Variants in ALK observed in about 807,000 individuals in gnomAD.
ALK encodes ALK tyrosine kinase receptor.
Under a neutral mutation model 163.1 loss-of-function variants are expected in ALK, and 74 were observed. That is an observed-to-expected ratio of 0.45 (90% CI 0.38 to 0.55). The LOEUF is 0.55. ALK is among the 20% of genes least tolerant of loss of function. The pLI is 0.00. For missense variants in ALK, 2,063 were observed against 2,105.3 expected (o/e 0.98, Z 0.39); for synonymous variants, 960 against 843.2 (o/e 1.14, Z -2.40).
At chr2:29,637,710 A>AAAAAAAAAAAAAAC (rs1676579471) in intron 3 of ALK, among the ~76,000 whole-genome samples, 1 of 15,254 alleles carries the variant, frequency 6.6e-5, no homozygotes, top group Non-Finnish European at 1.6e-4. Context: ...CTCCGTCTCC[A>AAAAAAAAAAAAAAC]AAAAAAAAAA....
chr2:29,225,336 C>A (rs2148175971), intron 19 of ALK, 125 bp downstream of exon 19: 1 of 920,142 alleles, frequency 1.1e-6, no homozygotes, highest in Non-Finnish European at 1.7e-6. Flanking sequence ...CCCTAATCAC[C>A]ACCCCACCCA....
chr2:29,415,571 C>T (rs13384425), intron 4 of ALK, among the ~76,000 whole-genome samples: 1 of 152,154 alleles, frequency 6.6e-6, no homozygotes, highest in African/African-American at 2.4e-5. Context: ...AAAACACAGG[C>T]TCCCCAATCA....
intron 3 of ALK, among the ~76,000 whole-genome samples, chr2:29,628,538 C>A (rs79657718): frequency 0.015 from 2,314 of 152,260 alleles, 18 homozygotes; most frequent in Non-Finnish European, 0.023. Context: ...TACCACTTCA[C>A]AAGTATTATA....
chr2:29,356,502 A>G (rs1373255924), intron 5 of ALK, among the ~76,000 whole-genome samples: 1 of 152,178 alleles, frequency 6.6e-6, no homozygotes, highest in African/African-American at 2.4e-5. Context: ...TTAGAAAATT[A>G]AGTAATATTC....
intron 4 of ALK, among the ~76,000 whole-genome samples, chr2:29,527,220 A>G (rs1558367926): frequency 6.6e-6 from 1 of 152,190 alleles, no homozygotes; most frequent in Non-Finnish European, 1.5e-5. Context: ...CCACAAATCA[A>G]TATCTTTTTG....
chr2:29,532,357 G>C (rs893588835), intron 3 of ALK, among the ~76,000 whole-genome samples: 1 of 152,130 alleles, frequency 6.6e-6, no homozygotes, highest in Non-Finnish European at 1.5e-5. Flanking sequence ...ACCAAGGTTC[G>C]AACCTTAGCT....
intron 3 of ALK, among the ~76,000 whole-genome samples, chr2:29,628,191 G>T (rs1252156150): frequency 2.0e-5 from 3 of 152,044 alleles, no homozygotes; most frequent in African/African-American, 7.3e-5. Flanking sequence ...TTAAAACCCT[G>T]AAATACAATA....
In ALK at chr2:29,815,711, A is replaced by G. The variant is rs147501036; in HGVS notation, c.668-98014T>C. On this transcript the variant is annotated intron_variant, in intron 1 of 28. Transcript: ENST00000389048. ...ATGAAAGATCAAGGAAACAAGGACC[A>G]GGAATGGGTTGGCCAGATGCCTCCT... 5.5e-3 allele frequency among the ~76,000 whole-genome samples: 836 copies of G among 152,332 alleles called. 15 individuals are homozygous for G. The highest frequency in any genetic ancestry group is 0.019 in the African/African-American group (793 of 41,568).
At chr2:29,671,290 C>CA (rs1677679155) in intron 3 of ALK, among the ~76,000 whole-genome samples, 1 of 151,998 alleles carries the variant, frequency 6.6e-6, no homozygotes, top group Admixed American at 6.6e-5. Flanking sequence ...AGAGATTACC[C>CA]AGTAGTGTGG....
intron 9 of ALK, among the ~76,000 whole-genome samples, chr2:29,283,122 G>C (rs538198127): frequency 2.0e-5 from 3 of 152,216 alleles, no homozygotes; most frequent in Non-Finnish European, 4.4e-5. Flanking sequence ...CCTAGGGAAG[G>C]ATTCAAGTGC....
intron 1 of ALK, among the ~76,000 whole-genome samples, chr2:29,852,590 C>T (rs944544781): frequency 6.6e-6 from 1 of 152,234 alleles, no homozygotes; most frequent in Admixed American, 6.5e-5. Flanking sequence ...TCCTCCACAC[C>T]TATTCCCCCT....
At chr2:29,791,732 A>G (rs1664195957) in intron 1 of ALK, among the ~76,000 whole-genome samples, 1 of 152,056 alleles carries the variant, frequency 6.6e-6, no homozygotes, top group Non-Finnish European at 1.5e-5. Flanking sequence ...CGCTTTTGTA[A>G]TCTCATTCAT....
intron 3 of ALK, among the ~76,000 whole-genome samples, chr2:29,671,086 T>C (rs900812265): frequency 3.3e-5 from 5 of 152,120 alleles, no homozygotes; most frequent in Admixed American, 6.6e-5. Context: ...TATCTTTGCA[T>C]TGAAAGATCA....
intron 5 of ALK, among the ~76,000 whole-genome samples, chr2:29,330,447 G>A (rs1667404805): frequency 6.6e-6 from 1 of 152,160 alleles, no homozygotes; most frequent in Non-Finnish European, 1.5e-5. Context: ...CAGAACGCTT[G>A]TGCACAATCC....
Position 29,296,722 on chromosome 2 carries a change from A to AGTGTGTGTGT in ALK, c.1817+156_1817+165dup, listed in dbSNP as rs3054024. Among the ~76,000 whole-genome samples, 360 of 150,488 alleles carry AGTGTGTGTGT rather than the reference A, an allele frequency of 2.4e-3. 2 individuals are homozygous for AGTGTGTGTGT. The highest frequency in any genetic ancestry group is 8.3e-3 in the African/African-American group (341 of 41,162). On this transcript the variant is annotated intron_variant, in intron 9 of 28. Transcript: ENST00000389048. ...ACTGCAGAAAGTGTGTAACCTGCAG[A>AGTGTGTGTGT]GTGTGTGTGTGTGTGTGTGCACGTG...
chr2:29,688,960 C>T (rs761957482), intron 3 of ALK, among the ~76,000 whole-genome samples: 49 of 152,156 alleles, frequency 3.2e-4, no homozygotes, highest in Admixed American at 1.3e-3. Context: ...TGCAGTGGTG[C>T]AGAGCAGGGA....
chr2:29,665,861 T>C (rs1027760495), intron 3 of ALK, among the ~76,000 whole-genome samples: 1 of 152,106 alleles, frequency 6.6e-6, no homozygotes, highest in African/African-American at 2.4e-5. Context: ...AGATAAGATA[T>C]ACCATGAATT....
At chr2:29,785,271 G>A (rs34205765) in intron 1 of ALK, among the ~76,000 whole-genome samples, 1 of 152,104 alleles carries the variant, frequency 6.6e-6, no homozygotes, top group Admixed American at 6.6e-5. Context: ...GTATATATGA[G>A]GGGAGTGGGG....
At chr2:29,608,399 CAG>C (rs1235720387) in intron 3 of ALK, among the ~76,000 whole-genome samples, 1 of 152,194 alleles carries the variant, frequency 6.6e-6, no homozygotes, top group Non-Finnish European at 1.5e-5. Context: ...GATGGATGAA[CAG>C]AGGTGTGAGT....
Sources: gnomAD v4.1 joint callset for allele counts (sites outside exome capture counted in the v4.1 genomes callset) on GRCh38, gnomAD v4.1.1 for gene constraint, MANE v1.5 for transcripts, NCBI Gene and HGNC (gene_info 2026-07-23, HGNC 2026-07-21) for gene names.